HPCAL1: variants seen among roughly 807,000 people sequenced by gnomAD.
HPCAL1 encodes hippocalcin-like protein 1.
Under a neutral mutation model 17.1 loss-of-function variants are expected in HPCAL1, and 8 were observed. That is an observed-to-expected ratio of 0.47 (90% CI 0.27 to 0.84). HPCAL1 has a LOEUF of 0.84. HPCAL1 is among the 40% of genes least tolerant of loss of function. HPCAL1 has a pLI of 0.13. For synonymous variants in HPCAL1, 112 were observed against 111.4 expected (o/e 1.01, Z -0.03); for missense variants, 165 against 271.1 (o/e 0.61, Z 2.75).
intron 1 of HPCAL1, among the ~76,000 whole-genome samples, chr2:10,380,267 A>G (rs927555818): frequency 6.6e-6 from 1 of 152,204 alleles, no homozygotes; most frequent in African/African-American, 2.4e-5. Context: ...GTGTGTGGGC[A>G]GGTTGGCAAA....
At chr2:10,348,612 A>AAT (rs1553345143) in intron 1 of HPCAL1, among the ~76,000 whole-genome samples, 4 of 149,348 alleles carry the variant, frequency 2.7e-5, no homozygotes, top group African/African-American at 4.9e-5. Context: ...AAAAAAAAAA[A>AAT]ATATATATAT....
At chr2:10,408,367 C>T (rs934884555) in intron 2 of HPCAL1, among the ~76,000 whole-genome samples, 3 of 152,138 alleles carry the variant, frequency 2.0e-5, no homozygotes, top group Admixed American at 6.5e-5. Flanking sequence ...AAGAAGGTTT[C>T]GGTTGGATTT....
At chr2:10,374,851 C>G (rs191074696) in intron 1 of HPCAL1, among the ~76,000 whole-genome samples, 83 of 152,352 alleles carry the variant, frequency 5.4e-4, no homozygotes, top group African/African-American at 1.9e-3. Flanking sequence ...TTGCTGTGTC[C>G]TCCACCAGAG....
chr2:10,415,659 G>A (rs968822861), intron 2 of HPCAL1, among the ~76,000 whole-genome samples: 3 of 151,666 alleles, frequency 2.0e-5, no homozygotes, highest in African/African-American at 7.3e-5. Flanking sequence ...CGGTTTGGTC[G>A]GGTGCCCCAG....
chr2:10,326,922 C>T (rs1028647248), intron 1 of HPCAL1, among the ~76,000 whole-genome samples: 2 of 152,158 alleles, frequency 1.3e-5, no homozygotes, highest in African/African-American at 4.8e-5. Flanking sequence ...CTGCTGTGCC[C>T]CACATGCCCC....
intron 3 of HPCAL1, among the ~76,000 whole-genome samples, chr2:10,421,161 C>T (rs11692055): frequency 0.17 from 25,448 of 152,204 alleles, 2,215 homozygotes; most frequent in South Asian, 0.19. Context: ...TTGTGATGTC[C>T]CCAGGAATGC....
In HPCAL1 at chr2:10,362,256, T is replaced by G. The variant is rs1666567309; in HGVS notation, c.-110-34579T>G. Among the ~76,000 whole-genome samples, 1 of 152,098 alleles carries G rather than the reference T, an allele frequency of 6.6e-6. No homozygotes were observed. The highest frequency in any genetic ancestry group is 2.4e-5 in the African/African-American group (1 of 41,418). On this transcript the variant is annotated intron_variant, in intron 1 of 4. Transcript: ENST00000307845. This position sits in a 1 kb window ranked among gnomAD's most constrained non-coding sequence, Gnocchi z 5.0. Reference sequence around the variant, plus strand: ...CCAGCCTCATGGAGGCAAACGGAGCTTCGGAACCCAGGTGTCGAGAATGAG... The same window carrying G: ...CCAGCCTCATGGAGGCAAACGGAGCGTCGGAACCCAGGTGTCGAGAATGAG...
chr2:10,358,096 GGAA>G lies in HPCAL1; in HGVS notation c.-110-38734_-110-38732del, dbSNP rs1666289187. Among the ~76,000 whole-genome samples, 3 of 152,248 alleles carry G rather than the reference GGAA, an allele frequency of 2.0e-5. No individual in the cohort carries two copies. In the South Asian group the frequency reaches 6.2e-4, roughly 31 times the overall value. ...TTCTCCTGTACCTGGAGGAGTTGCT[GGAA>G]GAAGGAGAAGGCTCAGCACCAGCTT... On this transcript the variant is annotated intron_variant, in intron 1 of 4. Coordinates refer to ENST00000307845, the MANE Select transcript of HPCAL1 (RefSeq NM_002149.4).
chr2:10,415,610 A>G (rs1035625322), intron 2 of HPCAL1, among the ~76,000 whole-genome samples: 2 of 151,934 alleles, frequency 1.3e-5, no homozygotes, highest in Non-Finnish European at 2.9e-5. Flanking sequence ...ACACACAGGA[A>G]GTTCTGGAAA....
chr2:10,321,238 A>T lies in HPCAL1; in HGVS notation c.-111+18061A>T, dbSNP rs186509505. ...GTGCCACACACTTTTAAACAACCAG[A>T]TCTTGTGAGAACTCACTATCTCGAG... On this transcript the variant is annotated intron_variant, in intron 1 of 4. Coordinates refer to ENST00000307845, the MANE Select transcript of HPCAL1 (RefSeq NM_002149.4). Among the ~76,000 whole-genome samples, 693 of 152,216 alleles carry T rather than the reference A, an allele frequency of 4.6e-3. 3 individuals are homozygous for T. The highest frequency in any genetic ancestry group is 8.0e-3 in the Non-Finnish European group (541 of 68,006).
At chr2:10,313,398 AC>A (rs1376100228) in intron 1 of HPCAL1, among the ~76,000 whole-genome samples, 1 of 151,816 alleles carries the variant, frequency 6.6e-6, no homozygotes, top group Non-Finnish European at 1.5e-5. Flanking sequence ...TGACTGAACC[AC>A]CCCCCAATTC....
rs1314207971 is a variant in HPCAL1 at position 10,377,235 on chromosome 2, C to T, written c.-110-19600C>T. On this transcript the variant is annotated intron_variant, in intron 1 of 4. Coordinates refer to ENST00000307845, the MANE Select transcript of HPCAL1 (RefSeq NM_002149.4). This position sits in a 1 kb window ranked among gnomAD's most constrained non-coding sequence, Gnocchi z 5.9. ...TGTGAGGAGGCTGCCACGCAGGCCG[C>T]GCCGCCCCGAATGGCAGGTGGAAGG... Among the ~76,000 whole-genome samples the T allele has an allele frequency of 3.9e-5, 6 of 152,164 alleles. No homozygotes were observed. Among genetic ancestry groups the T allele is most frequent in the East Asian group, 1.9e-4 (1 of 5,180 alleles).
intron 1 of HPCAL1, among the ~76,000 whole-genome samples, chr2:10,320,074 G>A (rs957457772): frequency 6.6e-6 from 1 of 152,062 alleles, no homozygotes; most frequent in Non-Finnish European, 1.5e-5. Flanking sequence ...CTTGCTTGGG[G>A]TTGCCTCCTC....
chr2:10,389,526 C>T lies in HPCAL1; in HGVS notation c.-110-7309C>T, dbSNP rs184400268. On this transcript the variant is annotated intron_variant, in intron 1 of 4. Transcript: ENST00000307845. ...CAGGAAGACAGCCCTCCCCAGAACT[C>T]AACTGTGCTGGCACCTTGATCTTGG... 2.8e-3 allele frequency among the ~76,000 whole-genome samples: 432 copies of T among 152,356 alleles called. 8 individuals carry two copies. The highest frequency in any genetic ancestry group is 0.023 in the South Asian group (109 of 4,830).
chr2:10,426,449 A>C, intron 4 of HPCAL1: 1 of 420,270 alleles, frequency 2.4e-6, no homozygotes, highest in East Asian at 4.7e-5. Context: ...TGATTTCTAA[A>C]AGGATTTAAA....
At chr2:10,391,468 A>G (rs1358261249) in intron 1 of HPCAL1, among the ~76,000 whole-genome samples, 1 of 152,170 alleles carries the variant, frequency 6.6e-6, no homozygotes, top group Non-Finnish European at 1.5e-5. Context: ...ATACCCTACC[A>G]TTTACCCATT....
chr2:10,310,295 G>A lies in HPCAL1; in HGVS notation c.-111+7118G>A, dbSNP rs963119014. Among the ~76,000 whole-genome samples the A allele has an allele frequency of 3.1e-4, 47 of 152,190 alleles. No individual in the cohort carries two copies. The highest frequency in any genetic ancestry group is 9.9e-4 in the African/African-American group (41 of 41,440). ...GGGACGCAGATGTGAGTACCTAGGT[G>A]AGTCTGGCTGGTCACGTGTGGAATA... On this transcript the variant is annotated intron_variant, in intron 1 of 4. Coordinates refer to ENST00000307845, the MANE Select transcript of HPCAL1 (RefSeq NM_002149.4). The surrounding 1 kb of genome is among the most constrained non-coding windows in gnomAD (Gnocchi z 4.5).
At chr2:10,378,787 C>T (rs1667753451) in intron 1 of HPCAL1, among the ~76,000 whole-genome samples, 1 of 152,126 alleles carries the variant, frequency 6.6e-6, no homozygotes, top group Non-Finnish European at 1.5e-5. Flanking sequence ...GTTTGCTGGG[C>T]ACCTGAGCTG....
chr2:10,322,122 A>G (rs1360898895), intron 1 of HPCAL1, among the ~76,000 whole-genome samples: 6 of 152,134 alleles, frequency 3.9e-5, no homozygotes. Flanking sequence ...TCTATGGATT[A>G]CATGTTCCTC....
Sources: allele counts gnomAD v4.1 joint callset (sites outside exome capture counted in the v4.1 genomes callset), GRCh38; gene constraint gnomAD v4.1.1; non-coding constraint Gnocchi (gnomAD v3.1); transcripts MANE v1.5; gene names NCBI Gene and HGNC (gene_info 2026-07-23, HGNC 2026-07-21).